The following ANKS1B variants were observed in gnomAD, a reference collection of about 807,000 sequenced individuals.
ANKS1B encodes the protein ankyrin repeat and sterile alpha motif domain containing 1B, also known as ankyrin repeat and sterile alpha motif domain-containing protein 1B.
ANKS1B carries 36 observed loss-of-function variants against 148.3 expected under a neutral mutation model. That is an observed-to-expected ratio of 0.24 (90% CI 0.19 to 0.32). ANKS1B has a LOEUF of 0.32. Among genes scored for constraint, ANKS1B ranks in the 10% least tolerant of loss-of-function variants. The probability of loss-of-function intolerance (pLI) is 1.00; values close to 1 mark genes in which losing one functional copy is unlikely to be tolerated. For synonymous variants in ANKS1B, 542 were observed against 560.8 expected (o/e 0.97, Z 0.47); for missense variants, 1,157 against 1,542.6 (o/e 0.75, Z 4.19).
At chr12:99,927,843 T>A (rs1442396448) in intron 1 of ANKS1B, among the ~76,000 whole-genome samples, 2 of 152,170 alleles carry the variant, frequency 1.3e-5, no homozygotes, top group Non-Finnish European at 2.9e-5. Flanking sequence ...ACTATTTTTA[T>A]AAATTAATTT....
chr12:99,504,828 A>G (rs1183148669), intron 9 of ANKS1B, among the ~76,000 whole-genome samples, 187 bp from the exon 10 acceptor site: 2 of 152,276 alleles, frequency 1.3e-5, no homozygotes, highest in Non-Finnish European at 2.9e-5. Flanking sequence ...AAGAGTCCTC[A>G]TAATTTAAAA....
chr12:98,822,402 G>T (rs1446162128), intron 19 of ANKS1B, among the ~76,000 whole-genome samples: 1 of 152,100 alleles, frequency 6.6e-6, no homozygotes, highest in African/African-American at 2.4e-5. Context: ...GTGGACCCAA[G>T]AACTGGACTG....
In ANKS1B at chr12:99,195,026, T is replaced by C. The variant is rs566892707; in HGVS notation, c.2420-40631A>G. Among the ~76,000 whole-genome samples, 9 of 152,154 alleles carry C rather than the reference T, an allele frequency of 5.9e-5. No homozygotes were observed. The South Asian group carries it at 8.3e-4, about 14-fold the overall frequency. On this transcript the variant is annotated intron_variant, in intron 14 of 26. Coordinates refer to ENST00000683438, the MANE Select transcript of ANKS1B (RefSeq NM_001352186.2). ...AACTATCAGAGGAACTTTGAAAACA[T>C]TGGATTCTTGAGATAAAGTGGCTTT... is the stretch of plus-strand genomic sequence containing the variant.
intron 12 of ANKS1B, among the ~76,000 whole-genome samples, chr12:99,320,541 A>G (rs995444727): frequency 3.9e-5 from 6 of 152,254 alleles, no homozygotes; most frequent in African/African-American, 1.4e-4. Context: ...TTTCAGCTCC[A>G]TCCGGTCATT....
intron 15 of ANKS1B, among the ~76,000 whole-genome samples, chr12:99,138,287 G>T (rs138192313): frequency 1.3e-4 from 20 of 152,324 alleles, no homozygotes; most frequent in African/African-American, 4.8e-4. Context: ...CTTTTAAGAA[G>T]CAGAAGCTCT....
intron 1 of ANKS1B, among the ~76,000 whole-genome samples, chr12:99,928,404 G>A (rs914220726): frequency 1.3e-5 from 2 of 149,866 alleles, no homozygotes; most frequent in African/African-American, 2.5e-5. Flanking sequence ...TCAGCCTCCC[G>A]AGTAGCTGGG....
At chr12:99,799,582 A>G (rs1440202492) in intron 4 of ANKS1B, among the ~76,000 whole-genome samples, 1 of 152,152 alleles carries the variant, frequency 6.6e-6, no homozygotes, top group East Asian at 1.9e-4. Flanking sequence ...TGGCATGAGA[A>G]GTCAGGAGGG....
At chr12:99,768,764 T>G (rs904257505) in intron 8 of ANKS1B, among the ~76,000 whole-genome samples, 2 of 141,322 alleles carry the variant, frequency 1.4e-5, no homozygotes, top group African/African-American at 5.3e-5. Context: ...AGGCGGAGGT[T>G]GCAGTGAGCC....
At chr12:98,906,659 A>G (rs752602158) in intron 17 of ANKS1B, among the ~76,000 whole-genome samples, 1 of 152,186 alleles carries the variant, frequency 6.6e-6, no homozygotes, top group Non-Finnish European at 1.5e-5. Context: ...TTTCTCCCTG[A>G]TTGAAAAACA....
chr12:99,266,770 C>T (rs7961884), intron 12 of ANKS1B, among the ~76,000 whole-genome samples: 48,876 of 151,968 alleles, frequency 0.32, 9,388 homozygotes, highest in African/African-American at 0.54. Context: ...TTTTTTCTTA[C>T]TCTGAATGGA....
chr12:99,463,065 G>A (rs1044309848), intron 10 of ANKS1B, among the ~76,000 whole-genome samples: 1 of 152,018 alleles, frequency 6.6e-6, no homozygotes, highest in African/African-American at 2.4e-5. Context: ...AATACAAAAT[G>A]GAATAACACA....
At chr12:99,833,613 C>T (rs2084366351) in intron 1 of ANKS1B, among the ~76,000 whole-genome samples, 1 of 152,156 alleles carries the variant, frequency 6.6e-6, no homozygotes, top group Non-Finnish European at 1.5e-5. Context: ...CTGGCAGGAG[C>T]CAAGTTTCAG....
At chr12:99,677,014 A>G (rs1196690889) in intron 8 of ANKS1B, among the ~76,000 whole-genome samples, 2 of 152,238 alleles carry the variant, frequency 1.3e-5, no homozygotes, top group Non-Finnish European at 2.9e-5. Context: ...CATATATCCC[A>G]AATAAATGAA....
intron 1 of ANKS1B, among the ~76,000 whole-genome samples, chr12:99,833,226 T>C (rs1160016054): frequency 6.6e-6 from 1 of 152,200 alleles, no homozygotes; most frequent in Non-Finnish European, 1.5e-5. Context: ...TCATAATATA[T>C]TGAAAAGCTT....
At chr12:99,234,820 T>A (rs1025691545) in intron 14 of ANKS1B, among the ~76,000 whole-genome samples, 12 of 152,108 alleles carry the variant, frequency 7.9e-5, no homozygotes, top group Admixed American at 4.6e-4. Flanking sequence ...AAATATTACT[T>A]GTGGAATGCC....
chr12:99,740,430 T>C (rs1322544243), intron 8 of ANKS1B, among the ~76,000 whole-genome samples: 2 of 152,216 alleles, frequency 1.3e-5, no homozygotes, highest in African/African-American at 4.8e-5. Flanking sequence ...GAATCAGACC[T>C]GACTGCAGCA....
chr12:99,861,064 A>G (rs1460430797), intron 1 of ANKS1B, among the ~76,000 whole-genome samples: 1 of 152,206 alleles, frequency 6.6e-6, no homozygotes, highest in African/African-American at 2.4e-5. Context: ...CAAGCAGCCA[A>G]CTGATCAGAC....
At chr12:99,414,551 A>C (rs2094830562) in intron 11 of ANKS1B, among the ~76,000 whole-genome samples, 1 of 152,180 alleles carries the variant, frequency 6.6e-6, no homozygotes, top group Non-Finnish European at 1.5e-5. Flanking sequence ...TGAAGCTGGA[A>C]ACCATCATTC....
At chr12:99,078,771 C>A (rs993398638) in intron 16 of ANKS1B, among the ~76,000 whole-genome samples, 1 of 148,806 alleles carries the variant, frequency 6.7e-6, no homozygotes, top group Non-Finnish European at 1.5e-5. Flanking sequence ...CCCCATGGTC[C>A]CCACCGTCTG....
Sources: allele counts gnomAD v4.1 joint callset (sites outside exome capture counted in the v4.1 genomes callset), GRCh38; gene constraint gnomAD v4.1.1; transcripts MANE v1.5; gene names NCBI Gene and HGNC (gene_info 2026-07-23, HGNC 2026-07-21).